NCOA4: variants seen among roughly 807,000 people sequenced by gnomAD.
NCOA4 encodes the protein 70 kDa AR-activator.
A neutral mutation model predicts 69.5 loss-of-function variants in NCOA4; 31 were observed. That is an observed-to-expected ratio of 0.45 (90% CI 0.34 to 0.60). The LOEUF is 0.60. Among genes scored for constraint, NCOA4 ranks in the 20% least tolerant of loss-of-function variants. The pLI, the probability that NCOA4 is intolerant of heterozygous loss-of-function variation, is 0.02. For missense variants in NCOA4, 600 were observed against 719.2 expected (o/e 0.83, Z 1.90); for synonymous variants, 228 against 252.4 (o/e 0.90, Z 0.92).
intron 9 of NCOA4, among the ~76,000 whole-genome samples, chr10:46,007,738 C>T (rs1488340235): frequency 6.6e-6 from 1 of 151,890 alleles, no homozygotes; most frequent in African/African-American, 2.4e-5. Context: ...CTATAGCACG[C>T]TCCACCATAC....
chr10:46,010,178 A>C (rs1839120675), intron 8 of NCOA4, 45 bp downstream of exon 8: 3 of 1,537,630 alleles, frequency 2.0e-6, no homozygotes, highest in Admixed American at 2.1e-5. Context: ...TAAATGAATA[A>C]ATAAATAAAA....
chr10:46,029,680 G>T (rs950429555), intron 1 of NCOA4, among the ~76,000 whole-genome samples: 1 of 152,136 alleles, frequency 6.6e-6, no homozygotes, highest in Non-Finnish European at 1.5e-5. Context: ...TCTGCCTTTG[G>T]GGTCAGATAA....
intron 1 of NCOA4, chr10:46,019,645 A>G (rs1839757743): frequency 2.9e-6 from 1 of 347,522 alleles, no homozygotes; most frequent in South Asian, 1.2e-4. Flanking sequence ...TCCTAAAGCA[A>G]GTCCTCTCAA....
chr10:46,025,343 G>T (rs1840101940), intron 1 of NCOA4, among the ~76,000 whole-genome samples: 2 of 152,172 alleles, frequency 1.3e-5, no homozygotes, highest in Admixed American at 1.3e-4. Context: ...CACACACACT[G>T]AGGGTGGATT....
In NCOA4 at chr10:46,014,490, A is replaced by AGGT; in HGVS notation, c.433_434insACC (p.Ile145delinsAsnLeu). ...TGTGGTGATGGTCTGGCGCAGAGTA[A>AGGT]TTGTGTCAGCTTCAAAGAGCAGGAC... On this transcript the variant is annotated protein_altering_variant, in exon 5 of 10. Transcript: ENST00000581486. The AGGT allele has an allele frequency of 6.2e-7, 1 of 1,614,046 alleles. No individual in the cohort carries two copies. The highest frequency in any genetic ancestry group is 8.5e-7 in the Non-Finnish European group (1 of 1,179,950).
At chr10:46,013,102 T>C in intron 6 of NCOA4, 76 bp from the exon 7 acceptor site, 1 of 1,467,214 alleles carries the variant, frequency 6.8e-7, no homozygotes, top group Non-Finnish European at 9.4e-7. Flanking sequence ...CTCTCTAATC[T>C]TGGCTTGCCA....
intron 9 of NCOA4, chr10:46,009,043 T>A: frequency 1.2e-6 from 1 of 865,666 alleles, no homozygotes; most frequent in Non-Finnish European, 1.8e-6. Context: ...AACTTTTATA[T>A]GCAATGGGAA....
Position 46,014,296 on chromosome 10 carries a change from CG to C in NCOA4, c.480+147del, listed in dbSNP as rs1839406895. Reference sequence around the variant, plus strand: ...CCTCCCAAAGTGCTAGGATTACAGGCGTGAGCCACCACGCCCAGCTGAGAAC... The same window carrying C: ...CCTCCCAAAGTGCTAGGATTACAGGCTGAGCCACCACGCCCAGCTGAGAAC... On this transcript the variant is annotated intron_variant, in intron 5 of 9. Coordinates refer to ENST00000581486, the MANE Select transcript of NCOA4 (RefSeq NM_001145263.2). 5 of 613,622 alleles carry C rather than the reference CG, an allele frequency of 8.1e-6. No individual in the cohort carries two copies. The South Asian group carries it at 1.1e-4, about 13-fold the overall frequency. 38.0% of individuals were successfully genotyped at this position (613,622 alleles called of 1,614,324 possible). A position where few individuals can be genotyped will look rare whatever the true frequency, so the allele number is the denominator to read the frequency against.
At chr10:46,009,767 AG>A (rs1458550027) in intron 8 of NCOA4, among the ~76,000 whole-genome samples, 1 of 152,236 alleles carries the variant, frequency 6.6e-6, no homozygotes, top group Non-Finnish European at 1.5e-5. Flanking sequence ...GATGGGGCTT[AG>A]GCCTGGAAAA....
At chr10:46,022,020 C>A (rs1030458114) in intron 1 of NCOA4, among the ~76,000 whole-genome samples, 3 of 152,152 alleles carry the variant, frequency 2.0e-5, no homozygotes, top group East Asian at 3.9e-4. Context: ...CTCAGAAAAA[C>A]CAAAACACTG....
chr10:46,006,994 A>G (rs1838864600), intron 9 of NCOA4, among the ~76,000 whole-genome samples: 1 of 152,256 alleles, frequency 6.6e-6, no homozygotes, highest in African/African-American at 2.4e-5. Context: ...GTCATGTTGA[A>G]GGCCACGAGA....
intron 9 of NCOA4, among the ~76,000 whole-genome samples, chr10:46,008,330 A>T (rs1554920303): frequency 6.6e-6 from 1 of 152,212 alleles, no homozygotes; most frequent in African/African-American, 2.4e-5. Flanking sequence ...TGCCACTAAG[A>T]TCATTCATGA....
At position 46,013,815 on chromosome 10, in the gene NCOA4, C is replaced by T. The variant is rs544431626; in HGVS notation, c.481-176G>A. Among the ~76,000 whole-genome samples the T allele has an allele frequency of 2.6e-5, 4 of 152,272 alleles. No homozygotes were observed. In the East Asian group the frequency reaches 5.8e-4, roughly 22 times the overall value. On this transcript the variant is annotated intron_variant, in intron 5 of 9. Coordinates refer to ENST00000581486, the MANE Select transcript of NCOA4 (RefSeq NM_001145263.2). ...AATTTGAGAATACTCTACCACATAA[C>T]TATTATATAAAAAATCTTTACCAGA...
chr10:46,022,265 G>A (rs371198867), intron 1 of NCOA4: 40 of 354,914 alleles, frequency 1.1e-4, no homozygotes, highest in African/African-American at 6.8e-4. Context: ...CTATCCACAG[G>A]ATACCTATGT....
At chr10:46,023,705 A>G (rs1223925247) in intron 1 of NCOA4, among the ~76,000 whole-genome samples, 1 of 152,188 alleles carries the variant, frequency 6.6e-6, no homozygotes, top group Non-Finnish European at 1.5e-5. Context: ...CACTTGCTCC[A>G]CCCGATAATG....
rs1838806063 is a variant in NCOA4, at chr10:46,006,328, C to T, written c.*264G>A. 45 of 497,722 alleles carry T rather than the reference C, an allele frequency of 9.0e-5. 1 individual carries two copies. The South Asian group carries it at 1.4e-3, about 16-fold the overall frequency. The allele number at this position is 497,722 out of a possible 1,614,324, so 30.8% of individuals were successfully genotyped here. On this transcript the variant is annotated 3_prime_UTR_variant, in exon 10 of 10. Transcript: ENST00000581486. ...TGTGAAAAAGACGTCCACAAAGATG[C>T]TGCATTTCTAGTGTGGGGTGAATTA... is the stretch of plus-strand genomic sequence containing the variant.
chr10:46,024,691 G>C (rs3813713), intron 1 of NCOA4, among the ~76,000 whole-genome samples: 8,020 of 152,274 alleles, frequency 0.053, 250 homozygotes, highest in Non-Finnish European at 0.075. Context: ...TTATGCTTCA[G>C]TATTTGCCCT....
chr10:46,015,372 G>T, intron 2 of NCOA4, 106 bp from the exon 3 acceptor site: 12 of 446,420 alleles, frequency 2.7e-5, no homozygotes, highest in Admixed American at 5.5e-5. Context: ...GGGGTTGGGG[G>T]GACCACAAAT....
chr10:46,014,672 C>T, intron 4 of NCOA4, 120 bp from the exon 5 acceptor site: 1 of 830,540 alleles, frequency 1.2e-6, no homozygotes. Context: ...AGAAACTCAA[C>T]CAAAGATAGA....
Sources: gnomAD v4.1 joint callset for allele counts (sites outside exome capture counted in the v4.1 genomes callset) on GRCh38, gnomAD v4.1.1 for gene constraint, MANE v1.5 for transcripts, NCBI Gene and HGNC (gene_info 2026-07-23, HGNC 2026-07-21) for gene names.